XRCC4: variants seen among roughly 807,000 people sequenced by gnomAD.
The protein encoded by XRCC4 is DNA repair protein XRCC4.
XRCC4 carries 28 observed loss-of-function variants against 39.1 expected under a neutral mutation model. That is an observed-to-expected ratio of 0.72 (90% CI 0.53 to 0.98). XRCC4 has a LOEUF of 0.98. XRCC4 is among the 50% of genes least tolerant of loss of function. XRCC4 has a pLI of 0.00. For missense variants in XRCC4, 350 were observed against 376.4 expected (o/e 0.93, Z 0.58); for synonymous variants, 123 against 126.4 (o/e 0.97, Z 0.18).
At chr5:83,126,997 C>T (rs533947075) in intron 3 of XRCC4, among the ~76,000 whole-genome samples, 18 of 152,148 alleles carry the variant, frequency 1.2e-4, no homozygotes, top group African/African-American at 2.6e-4. Context: ...TGTTTTAGAG[C>T]GACAAAACTT....
intron 7 of XRCC4, among the ~76,000 whole-genome samples, chr5:83,306,556 A>G (rs572390400): frequency 6.6e-6 from 1 of 152,330 alleles, no homozygotes; most frequent in African/African-American, 2.4e-5. Context: ...TTATGTTAAC[A>G]TGAATAATTT....
chr5:83,326,304 G>A (rs1756258147), intron 7 of XRCC4, among the ~76,000 whole-genome samples: 1 of 152,048 alleles, frequency 6.6e-6, no homozygotes, highest in East Asian at 1.9e-4. Flanking sequence ...TGCTTTTGGA[G>A]TCTTTGTCAT....
At chr5:83,128,954 T>G (rs755750785) in intron 3 of XRCC4, among the ~76,000 whole-genome samples, 1 of 152,178 alleles carries the variant, frequency 6.6e-6, no homozygotes, top group Non-Finnish European at 1.5e-5. Flanking sequence ...TAGTTTCTTT[T>G]GCTGTGCAGA....
chr5:83,359,659 C>A, the XRCC4 span, among the ~76,000 whole-genome samples: 1 of 152,094 alleles, frequency 6.6e-6, no homozygotes, highest in Non-Finnish European at 1.5e-5. Flanking sequence ...TTGAAACAAA[C>A]AAGAAATTAC....
At chr5:83,128,351 A>G (rs1308149463) in intron 3 of XRCC4, among the ~76,000 whole-genome samples, 1 of 152,014 alleles carries the variant, frequency 6.6e-6, no homozygotes, top group African/African-American at 2.4e-5. Context: ...TATGTGCCAC[A>G]TTTTCTTAAT....
chr5:83,081,369 A>G (rs1232373720), intron 1 of XRCC4, among the ~76,000 whole-genome samples: 1 of 152,168 alleles, frequency 6.6e-6, no homozygotes, highest in Non-Finnish European at 1.5e-5. Context: ...AACCTCAGGT[A>G]GAGGTTTTTC....
chr5:83,251,478 C>G (rs1027660503), intron 6 of XRCC4, among the ~76,000 whole-genome samples: 2 of 139,004 alleles, frequency 1.4e-5, no homozygotes, highest in African/African-American at 5.4e-5. Flanking sequence ...GAGCTGAGAT[C>G]GTGCCACTGC....
chr5:83,145,491 T>C (rs1161542117), intron 3 of XRCC4, among the ~76,000 whole-genome samples: 2 of 152,210 alleles, frequency 1.3e-5, no homozygotes, highest in Non-Finnish European at 2.9e-5. Context: ...GTTTCCTATG[T>C]GGTAGGTGTT....
intron 6 of XRCC4, among the ~76,000 whole-genome samples, chr5:83,248,636 C>A (rs750435096): frequency 3.3e-5 from 5 of 152,054 alleles, no homozygotes; most frequent in Non-Finnish European, 5.9e-5. Context: ...ATAATCATTG[C>A]TAACTGTAAT....
chr5:83,103,243 TTGTC>T (rs958037538), intron 1 of XRCC4, among the ~76,000 whole-genome samples: 1 of 151,814 alleles, frequency 6.6e-6, no homozygotes, highest in African/African-American at 2.4e-5. Context: ...TATTATGTGG[TTGTC>T]TGTTTGTTCA....
chr5:83,174,567 A>G (rs1749869449), intron 3 of XRCC4, among the ~76,000 whole-genome samples: 2 of 152,198 alleles, frequency 1.3e-5, no homozygotes, highest in Non-Finnish European at 2.9e-5. Context: ...TTGGCCATGG[A>G]TAAGTGTTCT....
intron 3 of XRCC4, among the ~76,000 whole-genome samples, chr5:83,147,449 G>A (rs968080427): frequency 2.0e-5 from 3 of 152,098 alleles, no homozygotes; most frequent in African/African-American, 7.2e-5. Context: ...AAATAAGCCA[G>A]GCACTGAAAG....
chr5:83,270,625 T>C (rs2112928068), intron 7 of XRCC4, among the ~76,000 whole-genome samples: 1 of 152,226 alleles, frequency 6.6e-6, no homozygotes, highest in South Asian at 2.1e-4. Flanking sequence ...CTCCAGACTT[T>C]CCATCCCTTT....
intron 7 of XRCC4, among the ~76,000 whole-genome samples, chr5:83,328,288 C>G (rs1756331485): frequency 6.6e-6 from 1 of 152,062 alleles, no homozygotes; most frequent in South Asian, 2.1e-4. Context: ...CAGGGAGATA[C>G]AATTCAAGTT....
intron 7 of XRCC4, among the ~76,000 whole-genome samples, chr5:83,308,687 C>A (rs1718564831): frequency 6.6e-6 from 1 of 151,726 alleles, no homozygotes; most frequent in African/African-American, 2.4e-5. Context: ...ATATATTTCC[C>A]AAAATTAAAA....
At chr5:83,327,370 G>A (rs1056136824) in intron 7 of XRCC4, among the ~76,000 whole-genome samples, 6 of 151,978 alleles carry the variant, frequency 3.9e-5, no homozygotes, top group African/African-American at 1.2e-4. Flanking sequence ...ATATCAGTAT[G>A]TATCATTGCT....
At chr5:83,257,072 C>T (rs1753569813) in intron 6 of XRCC4, among the ~76,000 whole-genome samples, 1 of 151,876 alleles carries the variant, frequency 6.6e-6, no homozygotes, top group African/African-American at 2.4e-5. Flanking sequence ...CAACAGTGTC[C>T]AAGTTGTCTC....
At chr5:83,217,709 T>C (rs1751917793) in intron 6 of XRCC4, among the ~76,000 whole-genome samples, 1 of 152,170 alleles carries the variant, frequency 6.6e-6, no homozygotes, top group Non-Finnish European at 1.5e-5. Flanking sequence ...ATGCCTTCTC[T>C]CTCAGTGTAT....
chr5:83,107,711 G>C (rs1208004207), intron 2 of XRCC4, among the ~76,000 whole-genome samples: 1 of 151,836 alleles, frequency 6.6e-6, no homozygotes, highest in African/African-American at 2.4e-5. Flanking sequence ...GGAGTAGTTT[G>C]AAGTTTATTA....
Sources: allele counts gnomAD v4.1 joint callset (sites outside exome capture counted in the v4.1 genomes callset), GRCh38; gene constraint gnomAD v4.1.1; transcripts MANE v1.5; gene names NCBI Gene and HGNC (gene_info 2026-07-23, HGNC 2026-07-21).